SPINK13: variants seen among roughly 807,000 people sequenced by gnomAD.
The protein encoded by SPINK13 is serine protease inhibitor Kazal-type 13.
SPINK13 carries 11 observed loss-of-function variants against 11.0 expected under a neutral mutation model. The observed-to-expected ratio is 1.00, with a 90% confidence interval of 0.63 to 1.65. SPINK13 has a LOEUF of 1.65. Among genes scored for constraint, SPINK13 ranks in the 40% most tolerant of loss-of-function variants. The probability of loss-of-function intolerance (pLI) is 0.00; values close to 1 mark genes in which losing one functional copy is unlikely to be tolerated. For synonymous variants in SPINK13, 31 were observed against 35.6 expected (o/e 0.87, Z 0.46); for missense variants, 113 against 117.7 (o/e 0.96, Z 0.19).
chr5:148,271,774 G>A (rs146668006), intron 2 of SPINK13, among the ~76,000 whole-genome samples: 93 of 152,086 alleles, frequency 6.1e-4, no homozygotes, highest in South Asian at 1.9e-3. Context: ...ACAGGCGCCC[G>A]CCACCACGCC....
At chr5:148,271,229 G>C (rs1756345593) in intron 2 of SPINK13, among the ~76,000 whole-genome samples, 1 of 152,000 alleles carries the variant, frequency 6.6e-6, no homozygotes, top group Non-Finnish European at 1.5e-5. Flanking sequence ...CTATGTGTAG[G>C]TTCTCTGTGA....
At chr5:148,281,080 C>T (rs1756506050) in intron 3 of SPINK13, among the ~76,000 whole-genome samples, 1 of 152,182 alleles carries the variant, frequency 6.6e-6, no homozygotes, top group Admixed American at 6.5e-5. Context: ...TTTGTTTACA[C>T]TGTGAGGGGA....
chr5:148,279,787 T>C (rs1219313353), intron 3 of SPINK13, among the ~76,000 whole-genome samples: 1 of 152,204 alleles, frequency 6.6e-6, no homozygotes, highest in African/African-American at 2.4e-5. Flanking sequence ...GGAGTATCTT[T>C]GTGGTGTTCT....
chr5:148,281,580 C>T (rs543407600), intron 3 of SPINK13, among the ~76,000 whole-genome samples: 5 of 152,226 alleles, frequency 3.3e-5, no homozygotes, highest in Admixed American at 6.5e-5. Context: ...AGGTGGCGCC[C>T]CACTCTGCTT....
chr5:148,278,265 C>G (rs141842763), intron 3 of SPINK13, among the ~76,000 whole-genome samples: 1 of 152,086 alleles, frequency 6.6e-6, no homozygotes, highest in Non-Finnish European at 1.5e-5. Context: ...GAGTCTCTAT[C>G]GCCTTCAGTT....
chr5:148,286,056 C>T lies in SPINK13; in HGVS notation c.*8C>T, dbSNP rs2113379412. ...TATGGAAAATGTGATTAATGGGTACCAGAGTAACTACACTTGCTTATTCTT... is the reference window on the plus strand; with the variant it reads ...TATGGAAAATGTGATTAATGGGTACTAGAGTAACTACACTTGCTTATTCTT... On this transcript the variant is annotated 3_prime_UTR_variant, in exon 5 of 5. Coordinates refer to ENST00000398450, the MANE Select transcript of SPINK13 (RefSeq NM_001040129.3). 1 of 1,426,572 alleles carries T rather than the reference C, an allele frequency of 7.0e-7. No individual in the cohort carries two copies. Among genetic ancestry groups the T allele is most frequent in the South Asian group, 1.3e-5 (1 of 77,286 alleles). The allele number at this position is 1,426,572 out of a possible 1,614,324, so 88.4% of individuals were successfully genotyped here.
In SPINK13 at chr5:148,279,091, C is replaced by CTTTTTTTTTTTTTTTTT. The variant is rs746029113; in HGVS notation, c.109-3004_109-2988dup. The stretch of plus-strand genomic sequence containing the variant: ...TCAGAGACTAGAATTGCAACCCCTG[C>CTTTTTTTTTTTTTTTTT]TTTTTTTTTTTTTTTTTTTTTTTTT... On this transcript the variant is annotated intron_variant, in intron 3 of 4. Transcript: ENST00000398450. Among the ~76,000 whole-genome samples, 36 of 51,688 alleles carry CTTTTTTTTTTTTTTTTT rather than the reference C, an allele frequency of 7.0e-4. 1 individual carries two copies. The highest frequency in any genetic ancestry group is 1.1e-3 in the Admixed American group (5 of 4,610). 33.9% of individuals were successfully genotyped at this position (51,688 alleles called of 152,430 possible). A position where few individuals can be genotyped will look rare whatever the true frequency, so the allele number is the denominator to read the frequency against.
intron 3 of SPINK13, among the ~76,000 whole-genome samples, chr5:148,275,925 TG>T (rs1309170263): frequency 2.6e-5 from 4 of 152,130 alleles, no homozygotes; most frequent in African/African-American, 9.7e-5. Flanking sequence ...CCTCCCAAAG[TG>T]CTGGGATTAC....
rs1413207210 is a variant in SPINK13, at chr5:148,280,950, G to T, written c.109-1154G>T. ...GTTTTATCTATAAGCCCCTGACTGG[G>T]GCTGCTGCCTTTTTGTCAGTGATGC... On this transcript the variant is annotated intron_variant, in intron 3 of 4. Transcript: ENST00000398450. Among the ~76,000 whole-genome samples, 3 of 152,274 alleles carry T rather than the reference G, an allele frequency of 2.0e-5. No individual in the cohort carries two copies. In the South Asian group the frequency reaches 6.2e-4, roughly 32 times the overall value.
At chr5:148,271,184 G>A (rs1484289000) in intron 2 of SPINK13, among the ~76,000 whole-genome samples, 1 of 152,140 alleles carries the variant, frequency 6.6e-6, no homozygotes, top group African/African-American at 2.4e-5. Flanking sequence ...GTAAATGAAT[G>A]TTTAAAAATG....
chr5:148,275,883 A>G (rs535562023), intron 3 of SPINK13, among the ~76,000 whole-genome samples: 1 of 151,950 alleles, frequency 6.6e-6, no homozygotes, highest in African/African-American at 2.4e-5. Flanking sequence ...GGATGGTCTC[A>G]ATCTCCTGAC....
intron 3 of SPINK13, among the ~76,000 whole-genome samples, chr5:148,277,833 G>C (rs1405243616): frequency 2.0e-5 from 3 of 152,146 alleles, no homozygotes; most frequent in Non-Finnish European, 2.9e-5. Flanking sequence ...GCTTGGAATA[G>C]TTTCAGAAGG....
chr5:148,272,229 A>G (rs1756361933), intron 2 of SPINK13, among the ~76,000 whole-genome samples: 1 of 152,166 alleles, frequency 6.6e-6, no homozygotes, highest in African/African-American at 2.4e-5. Flanking sequence ...TCTTAGGTAT[A>G]TATCTGGAGT....
chr5:148,282,269 A>G, intron 4 of SPINK13, 38 bp downstream of exon 4: 1 of 1,605,602 alleles, frequency 6.2e-7, no homozygotes, highest in Non-Finnish European at 8.5e-7. Context: ...TTTTCCCTCT[A>G]CTTCTTCACA....
At chr5:148,275,908 G>A (rs1470842124) in intron 3 of SPINK13, among the ~76,000 whole-genome samples, 5 of 151,914 alleles carry the variant, frequency 3.3e-5, no homozygotes, top group Non-Finnish European at 5.9e-5. Context: ...TGGTCTGCCC[G>A]CCTCCGCCTC....
chr5:148,273,619 C>A (rs138392707), intron 2 of SPINK13, among the ~76,000 whole-genome samples: 1 of 152,178 alleles, frequency 6.6e-6, no homozygotes, highest in Admixed American at 6.5e-5. Context: ...TCAGCAAGAC[C>A]TATTCCTCGA....
intron 3 of SPINK13, 41 bp downstream of exon 3, chr5:148,274,425 T>C (rs1319663349): frequency 6.6e-7 from 1 of 1,520,062 alleles, no homozygotes; most frequent in Non-Finnish European, 9.1e-7. Flanking sequence ...AATTCTAGTC[T>C]AATCACTCTC....
chr5:148,281,953 C>A, intron 3 of SPINK13, 151 bp from the exon 4 acceptor site: 2 of 1,081,154 alleles, frequency 1.8e-6, no homozygotes, highest in Non-Finnish European at 2.6e-6. Context: ...AAGAAACTGG[C>A]CTGACAGAAG....
chr5:148,269,841 A>G (rs568382771), intron 1 of SPINK13, among the ~76,000 whole-genome samples, 199 bp from the exon 2 acceptor site: 2 of 152,126 alleles, frequency 1.3e-5, no homozygotes, highest in Non-Finnish European at 2.9e-5. Flanking sequence ...GGCAGAAAAA[A>G]AAAAGTCATT....
Sources: allele counts gnomAD v4.1 joint callset (sites outside exome capture counted in the v4.1 genomes callset), GRCh38; gene constraint gnomAD v4.1.1; transcripts MANE v1.5; gene names NCBI Gene and HGNC (gene_info 2026-07-23, HGNC 2026-07-21).